The following ADAMTS6 variants were observed in gnomAD, a reference collection of about 807,000 sequenced individuals.
The protein encoded by ADAMTS6 is A disintegrin and metalloproteinase with thrombospondin motifs 6.
Under a neutral mutation model 144.3 loss-of-function variants are expected in ADAMTS6, and 23 were observed. The ratio of observed to expected loss-of-function variants is 0.16; its 90% CI spans 0.11 to 0.23. The LOEUF (loss-of-function observed/expected upper bound fraction) is 0.23, where lower values mean the gene tolerates loss of function less well. Among genes scored for constraint, ADAMTS6 ranks in the 10% least tolerant of loss-of-function variants. ADAMTS6 has a pLI of 1.00. For synonymous variants in ADAMTS6, 444 were observed against 457.5 expected (o/e 0.97, Z 0.38); for missense variants, 999 against 1,379.6 (o/e 0.72, Z 4.37).
At chr5:65,216,333 A>G (rs1756914536) in intron 18 of ADAMTS6, among the ~76,000 whole-genome samples, 1 of 152,158 alleles carries the variant, frequency 6.6e-6, no homozygotes, top group Non-Finnish European at 1.5e-5. Context: ...CCAGACAGGA[A>G]AGATCACATA....
intron 11 of ADAMTS6, among the ~76,000 whole-genome samples, chr5:65,290,589 T>C (rs924629684): frequency 7.2e-5 from 11 of 152,116 alleles, no homozygotes; most frequent in African/African-American, 2.7e-4. Flanking sequence ...GGCTCTCAAC[T>C]TATTTTTTAA....
chr5:65,452,273 G>T, intron 5 of ADAMTS6, 57 bp from the exon 6 acceptor site: 2 of 1,530,308 alleles, frequency 1.3e-6, no homozygotes, highest in African/African-American at 1.4e-5. Flanking sequence ...TAGGGTGATA[G>T]TTTGGTTTTT....
chr5:65,249,915 G>A (rs1264364585), intron 14 of ADAMTS6, among the ~76,000 whole-genome samples: 1 of 152,060 alleles, frequency 6.6e-6, no homozygotes, highest in East Asian at 1.9e-4. Context: ...CTAGCTATCT[G>A]GTGAGGTTAG....
At chr5:65,208,859 A>C (rs1282904973) in intron 20 of ADAMTS6, among the ~76,000 whole-genome samples, 2 of 152,216 alleles carry the variant, frequency 1.3e-5, no homozygotes, top group Non-Finnish European at 2.9e-5. Flanking sequence ...TAGGAAATCT[A>C]AGTGTCTACC....
At chr5:65,468,314 T>TA (rs775401988) in intron 3 of ADAMTS6, among the ~76,000 whole-genome samples, 26 of 151,718 alleles carry the variant, frequency 1.7e-4, no homozygotes, top group Non-Finnish European at 2.6e-4. Context: ...TAGAATTTTT[T>TA]AAAAAACACT....
chr5:65,450,795 T>A (rs1026600379), intron 7 of ADAMTS6, among the ~76,000 whole-genome samples: 1 of 152,084 alleles, frequency 6.6e-6, no homozygotes, highest in Non-Finnish European at 1.5e-5. Flanking sequence ...ATTCCTAACA[T>A]GAGTAACATA....
At chr5:65,391,905 T>C (rs1336018169) in intron 7 of ADAMTS6, among the ~76,000 whole-genome samples, 1 of 151,936 alleles carries the variant, frequency 6.6e-6, no homozygotes, top group East Asian at 1.9e-4. Context: ...CAAGCTAATT[T>C]TTGTATTTTT....
chr5:65,346,349 T>C (rs1748316479), intron 7 of ADAMTS6, among the ~76,000 whole-genome samples: 2 of 151,784 alleles, frequency 1.3e-5, no homozygotes, highest in South Asian at 2.1e-4. Context: ...ATGTGATACA[T>C]CACATTAACA....
chr5:65,255,434 T>C (rs1000630716), intron 14 of ADAMTS6, among the ~76,000 whole-genome samples: 2 of 152,102 alleles, frequency 1.3e-5, no homozygotes, highest in Non-Finnish European at 2.9e-5. Context: ...GCCCTCAAAG[T>C]CCATTGCATC....
At chr5:65,261,983 T>C (rs1761236690) in intron 13 of ADAMTS6, among the ~76,000 whole-genome samples, 1 of 152,028 alleles carries the variant, frequency 6.6e-6, no homozygotes, top group South Asian at 2.1e-4. Flanking sequence ...ATAACATCAT[T>C]CTCCATCAAA....
chr5:65,210,878 A>G (rs182702997), intron 20 of ADAMTS6: 171 of 314,392 alleles, frequency 5.4e-4, no homozygotes, highest in African/African-American at 3.5e-3. Context: ...AATCCAGTCT[A>G]TGAGAAGCCC....
intron 7 of ADAMTS6, among the ~76,000 whole-genome samples, chr5:65,409,910 C>G (rs1561515971): frequency 1.3e-5 from 2 of 152,146 alleles, no homozygotes. Flanking sequence ...ATGATTATCT[C>G]AATAGATGCA....
chr5:65,245,681 C>T (rs919587468), intron 14 of ADAMTS6, among the ~76,000 whole-genome samples: 7 of 151,990 alleles, frequency 4.6e-5, no homozygotes, highest in Non-Finnish European at 8.8e-5. Context: ...AATATTTTTT[C>T]GCTTTAGGGC....
At chr5:65,348,406 C>G (rs1001889840) in intron 7 of ADAMTS6, among the ~76,000 whole-genome samples, 1 of 152,014 alleles carries the variant, frequency 6.6e-6, no homozygotes, top group African/African-American at 2.4e-5. Context: ...AAGCCAGGCA[C>G]AGAGGGACAA....
In ADAMTS6 at chr5:65,298,400, T is replaced by A. The variant is rs1256653268; in HGVS notation, c.1370+1585A>T. Among the ~76,000 whole-genome samples, 3 of 152,306 alleles carry A rather than the reference T, an allele frequency of 2.0e-5. No homozygotes were observed. The East Asian group carries it at 5.8e-4, about 29-fold the overall frequency. ...GTTATACAGTTTGTCTTTCTGGTGA[T>A]GGACATTAAGACTCCATTATAAAAA... On this transcript the variant is annotated intron_variant, in intron 10 of 24. Coordinates refer to ENST00000381055, the MANE Select transcript of ADAMTS6 (RefSeq NM_197941.4).
chr5:65,222,669 C>T (rs532748838), intron 18 of ADAMTS6, among the ~76,000 whole-genome samples: 3 of 152,042 alleles, frequency 2.0e-5, no homozygotes, highest in South Asian at 2.1e-4. Flanking sequence ...GCACAATACA[C>T]GTCTTTAATG....
chr5:65,480,385 C>T (rs2150297461), intron 1 of ADAMTS6, among the ~76,000 whole-genome samples: 1 of 151,912 alleles, frequency 6.6e-6, no homozygotes, highest in African/African-American at 2.4e-5. Context: ...TGAGTTGATC[C>T]TAAAGTTAAC....
chr5:65,389,911 T>C (rs1405392616), intron 7 of ADAMTS6, among the ~76,000 whole-genome samples: 2 of 152,190 alleles, frequency 1.3e-5, no homozygotes, highest in Non-Finnish European at 2.9e-5. Context: ...TGGAATTTTG[T>C]CATTAGAAAC....
intron 14 of ADAMTS6, among the ~76,000 whole-genome samples, chr5:65,252,489 C>T (rs770484131): frequency 6.6e-6 from 1 of 151,720 alleles, no homozygotes; most frequent in East Asian, 1.9e-4. Context: ...GATCCACCTG[C>T]CTTGGCCTCC....
Sources: allele counts gnomAD v4.1 joint callset (sites outside exome capture counted in the v4.1 genomes callset), GRCh38; gene constraint gnomAD v4.1.1; transcripts MANE v1.5; gene names NCBI Gene and HGNC (gene_info 2026-07-23, HGNC 2026-07-21).